Variants in CALN1 observed in about 807,000 individuals in gnomAD.
The protein encoded by CALN1 is calneuron 1.
A neutral mutation model predicts 30.6 loss-of-function variants in CALN1; 17 were observed. The ratio of observed to expected loss-of-function variants is 0.56; its 90% confidence interval spans 0.38 to 0.83. The LOEUF (loss-of-function observed/expected upper bound fraction) is 0.83, where lower values mean the gene tolerates loss of function less well. Among genes scored for constraint, CALN1 ranks in the 40% least tolerant of loss-of-function variants. The pLI, the probability that CALN1 is intolerant of heterozygous loss-of-function variation, is 0.00. For synonymous variants in CALN1, 156 were observed against 131.4 expected (o/e 1.19, Z -1.28); for missense variants, 291 against 354.9 (o/e 0.82, Z 1.45).
the CALN1 span, among the ~76,000 whole-genome samples, chr7:72,469,545 C>G: frequency 2.6e-5 from 4 of 152,068 alleles, no homozygotes; most frequent in Non-Finnish European, 5.9e-5. Context: ...TACAGGCACA[C>G]ACCACCACGT....
At chr7:72,308,361 C>T (rs962976254) in intron 2 of CALN1, among the ~76,000 whole-genome samples, 7 of 49,734 alleles carry the variant, frequency 1.4e-4, no homozygotes, top group Admixed American at 6.6e-4. Context: ...GAGATGCTGT[C>T]TGTGGGGGGG....
intron 3 of CALN1, among the ~76,000 whole-genome samples, chr7:72,173,826 C>T (rs758371108): frequency 6.6e-6 from 1 of 151,580 alleles, no homozygotes; most frequent in Admixed American, 6.6e-5. Context: ...AAAACAAAAA[C>T]TATAAAACAT....
chr7:72,022,541 C>T (rs549276252), intron 5 of CALN1, among the ~76,000 whole-genome samples: 6 of 152,114 alleles, frequency 3.9e-5, no homozygotes, highest in African/African-American at 9.7e-5. Context: ...TACAGGCATG[C>T]GCCATCACAT....
chr7:71,843,566 T>G (rs951803849), intron 5 of CALN1, among the ~76,000 whole-genome samples: 12 of 152,110 alleles, frequency 7.9e-5, no homozygotes, highest in African/African-American at 2.9e-4. Flanking sequence ...GAGGCTGCTG[T>G]GAGCTATGAT....
chr7:72,235,364 G>C (rs1458630591), intron 3 of CALN1, among the ~76,000 whole-genome samples: 1 of 152,116 alleles, frequency 6.6e-6, no homozygotes, highest in Non-Finnish European at 1.5e-5. Flanking sequence ...ACGCCTTATA[G>C]AATTCCTTTA....
chr7:72,311,651 A>ATTTTTTGTTTTTT (rs1800058774), intron 2 of CALN1, among the ~76,000 whole-genome samples: 1 of 48,470 alleles, frequency 2.1e-5, no homozygotes, highest in African/African-American at 8.0e-5. Flanking sequence ...CCTGGCTGAG[A>ATTTTTTGTTTTTT]TTTTTTTTTT....
intron 2 of CALN1, among the ~76,000 whole-genome samples, chr7:72,302,203 G>A (rs61522141): frequency 0.18 from 28,026 of 151,990 alleles, 3,580 homozygotes; most frequent in East Asian, 0.41. Context: ...TTCCCAGAGC[G>A]GATGAGATGA....
intron 6 of CALN1, among the ~76,000 whole-genome samples, chr7:71,799,083 TA>T (rs911820511): frequency 3.3e-5 from 5 of 151,938 alleles, no homozygotes; most frequent in African/African-American, 1.2e-4. Flanking sequence ...TGTCTCCAGG[TA>T]AAAAAAATAA....
chr7:72,032,362 T>C (rs1157428215), intron 4 of CALN1, among the ~76,000 whole-genome samples: 1 of 152,146 alleles, frequency 6.6e-6, no homozygotes, highest in Non-Finnish European at 1.5e-5. Context: ...GGCTAATTTT[T>C]AAATTTTTTG....
At position 71,787,648 on chromosome 7, in the gene CALN1, G is replaced by T. The variant is rs555912494; in HGVS notation, c.*127C>A. 4.4e-6 allele frequency: 6 copies of T among 1,371,940 alleles called. No individual in the cohort carries two copies. In the African/African-American group the frequency reaches 7.2e-5, roughly 16 times the overall value. The allele number at this position is 1,371,940 out of a possible 1,614,324, so 85.0% of individuals were successfully genotyped here. The stretch of plus-strand genomic sequence containing the variant: ...TGCACTCAACCTTGGGTTCTTTACT[G>T]AACGGTTCCATCGTCCGCATCCATC... On this transcript the variant is annotated 3_prime_UTR_variant, in exon 7 of 7. Transcript: ENST00000395275.
At chr7:72,358,000 T>G in intron 2 of CALN1, among the ~76,000 whole-genome samples, 1 of 150,780 alleles carries the variant, frequency 6.6e-6, no homozygotes. Flanking sequence ...AGAGATGGGG[T>G]TTTGTATTTA....
intron 2 of CALN1, among the ~76,000 whole-genome samples, chr7:72,342,822 T>G (rs368052911): frequency 8.3e-4 from 127 of 152,222 alleles, no homozygotes; most frequent in African/African-American, 3.0e-3. Context: ...ATGAAAAGAT[T>G]CATTGCACTC....
chr7:72,219,670 CACACATGCAT>C (rs1235629390), intron 3 of CALN1, among the ~76,000 whole-genome samples: 1 of 129,096 alleles, frequency 7.7e-6, no homozygotes, highest in Non-Finnish European at 1.8e-5. Flanking sequence ...CACCCTTGCA[CACACATGCAT>C]ACACATGCAC....
intron 4 of CALN1, among the ~76,000 whole-genome samples, chr7:72,083,093 CGGGAGACTGAGGT>C (rs974437693): frequency 4.6e-5 from 7 of 151,742 alleles, no homozygotes; most frequent in African/African-American, 1.7e-4. Context: ...CCCAGCTACT[CGGGAGACTGAGGT>C]GGGAGAATCG....
chr7:71,817,745 A>C (rs980847441), intron 5 of CALN1, among the ~76,000 whole-genome samples: 3 of 152,092 alleles, frequency 2.0e-5, no homozygotes, highest in Non-Finnish European at 1.5e-5. Context: ...CGATCTCCTG[A>C]CCTTGTAATC....
intron 5 of CALN1, among the ~76,000 whole-genome samples, chr7:71,933,620 C>T (rs1221503330): frequency 6.6e-6 from 1 of 152,148 alleles, no homozygotes; most frequent in East Asian, 1.9e-4. Flanking sequence ...TTTGTGTGGG[C>T]AGGCACTTTG....
chr7:71,810,929 T>C (rs1334930193), intron 5 of CALN1, among the ~76,000 whole-genome samples: 1 of 150,500 alleles, frequency 6.6e-6, no homozygotes, highest in Non-Finnish European at 1.5e-5. Context: ...AGAATCTTGC[T>C]CTTTCGCCCA....
chr7:72,468,232 A>C, the CALN1 span, among the ~76,000 whole-genome samples: 2 of 152,158 alleles, frequency 1.3e-5, no homozygotes, highest in Non-Finnish European at 2.9e-5. Flanking sequence ...TTATTTGAGT[A>C]CTTGTTTTCA....
chr7:71,861,192 CGT>C (rs778774490), intron 5 of CALN1, among the ~76,000 whole-genome samples: 7 of 148,640 alleles, frequency 4.7e-5, no homozygotes, highest in East Asian at 2.0e-4. Flanking sequence ...TGTGTGTGTG[CGT>C]GTGTGTGTGT....
Sources: gnomAD v4.1 joint callset for allele counts (sites outside exome capture counted in the v4.1 genomes callset) on GRCh38, gnomAD v4.1.1 for gene constraint, MANE v1.5 for transcripts, NCBI Gene and HGNC (gene_info 2026-07-23, HGNC 2026-07-21) for gene names.